The following VPS8 variants were observed in gnomAD, a reference collection of about 807,000 sequenced individuals.
The protein encoded by VPS8 is vacuolar protein sorting-associated protein 8 homolog.
VPS8 carries 129 observed loss-of-function variants against 216.4 expected under a neutral mutation model. The observed-to-expected ratio is 0.60, with a 90% CI of 0.52 to 0.69. The LOEUF (loss-of-function observed/expected upper bound fraction) is 0.69, where lower values mean the gene tolerates loss of function less well. Ranked by LOEUF, VPS8 falls within the 30% of genes least tolerant of loss-of-function variation. VPS8 has a pLI of 0.00. For missense variants in VPS8, 1,531 were observed against 1,683.5 expected, an observed-to-expected ratio of 0.91 and a Z score of 1.59; for synonymous variants, 571 against 565.4, an observed-to-expected ratio of 1.01 and a Z score of -0.14.
chr3:185,051,055 G>T (rs1431682192), intron 47 of VPS8, among the ~76,000 whole-genome samples: 4 of 152,054 alleles, frequency 2.6e-5, no homozygotes, highest in Non-Finnish European at 4.4e-5. Context: ...TGTAGAATTC[G>T]TCTCTCCTCT....
chr3:184,963,144 G>C (rs1000100650), intron 37 of VPS8, among the ~76,000 whole-genome samples: 1 of 151,808 alleles, frequency 6.6e-6, no homozygotes, highest in African/African-American at 2.4e-5. Flanking sequence ...AAATGCTTTG[G>C]CTATTTTTAG....
At chr3:184,984,751 C>T (rs1750807969) in intron 42 of VPS8, among the ~76,000 whole-genome samples, 1 of 152,100 alleles carries the variant, frequency 6.6e-6, no homozygotes, top group Admixed American at 6.5e-5. Flanking sequence ...GGCAGGAATA[C>T]TTTTCCAAGT....
intron 11 of VPS8, among the ~76,000 whole-genome samples, chr3:184,852,962 G>C (rs1724596254): frequency 6.6e-6 from 1 of 152,076 alleles, no homozygotes; most frequent in African/African-American, 2.4e-5. Context: ...AGCAAAGACT[G>C]TCTAGATACA....
chr3:185,002,124 C>T (rs928204433), intron 45 of VPS8, among the ~76,000 whole-genome samples: 8 of 152,092 alleles, frequency 5.3e-5, no homozygotes, highest in African/African-American at 1.7e-4. Context: ...AGGTGAGGTT[C>T]ATTAGGCAAG....
At chr3:185,017,645 C>T (rs1367688519) in intron 45 of VPS8, among the ~76,000 whole-genome samples, 1 of 152,202 alleles carries the variant, frequency 6.6e-6, no homozygotes, top group African/African-American at 2.4e-5. Flanking sequence ...GTAATCCTAT[C>T]GTCCCCGCTG....
intron 37 of VPS8, among the ~76,000 whole-genome samples, chr3:184,962,724 AGTGTGTGTGTGTGTGTGTGTGT>A (rs10562348): frequency 0.04 from 5,898 of 145,904 alleles, 170 homozygotes; most frequent in Non-Finnish European, 0.063. Flanking sequence ...TTAAGGCTTA[AGTGTGTGTGTGTGTGTGTGTGT>A]GTGTGTGTGT....
chr3:184,957,617 C>A (rs2109480048), intron 37 of VPS8, 96 bp downstream of exon 37: 2 of 1,372,002 alleles, frequency 1.5e-6, no homozygotes, highest in Admixed American at 2.9e-5. Context: ...TATATAATTT[C>A]TTTTTTAAAC....
chr3:184,996,725 C>T (rs1429907398), intron 44 of VPS8, among the ~76,000 whole-genome samples: 1 of 151,978 alleles, frequency 6.6e-6, no homozygotes, highest in Non-Finnish European at 1.5e-5. Flanking sequence ...AAACACAGGA[C>T]AAATAGATAG....
chr3:184,973,091 C>T (rs920546718), intron 40 of VPS8, among the ~76,000 whole-genome samples: 1 of 152,048 alleles, frequency 6.6e-6, no homozygotes, highest in African/African-American at 2.4e-5. Flanking sequence ...TATAACAAGC[C>T]TAGTTACATA....
chr3:184,985,406 G>A (rs1750910152), intron 42 of VPS8, among the ~76,000 whole-genome samples: 1 of 151,992 alleles, frequency 6.6e-6, no homozygotes, highest in Non-Finnish European at 1.5e-5. Context: ...TATATTAATT[G>A]TATGTTATGC....
chr3:184,972,008 G>A (rs942364579), intron 40 of VPS8, among the ~76,000 whole-genome samples: 40 of 151,794 alleles, frequency 2.6e-4, no homozygotes, highest in African/African-American at 8.5e-4. Flanking sequence ...CCCAGGAGGC[G>A]GAGGTTGCGT....
chr3:184,849,612 T>C, intron 9 of VPS8: 1 of 302,258 alleles, frequency 3.3e-6, no homozygotes, highest in South Asian at 5.1e-5. Context: ...CATCACTAGC[T>C]AGTTTGGCAG....
chr3:184,935,434 A>G (rs1327955303), intron 34 of VPS8, among the ~76,000 whole-genome samples: 1 of 152,172 alleles, frequency 6.6e-6, no homozygotes, highest in Non-Finnish European at 1.5e-5. Context: ...TACCTAACAC[A>G]ATAATTAAGA....
chr3:185,050,507 A>G (rs1713972955), intron 47 of VPS8, among the ~76,000 whole-genome samples: 1 of 152,116 alleles, frequency 6.6e-6, no homozygotes, highest in Non-Finnish European at 1.5e-5. Context: ...AGCTTGTGCC[A>G]CCATTGCCTG....
At chr3:184,853,055 G>A (rs1724608423) in intron 11 of VPS8, among the ~76,000 whole-genome samples, 2 of 152,198 alleles carry the variant, frequency 1.3e-5, no homozygotes, top group South Asian at 2.1e-4. Flanking sequence ...AGTTCTTCAA[G>A]GTTAACAACT....
intron 27 of VPS8, 108 bp from the exon 28 acceptor site, chr3:184,915,247 T>C (rs887442687): frequency 7.0e-7 from 1 of 1,436,408 alleles, no homozygotes; most frequent in African/African-American, 1.4e-5. Flanking sequence ...ACAGTAGCAA[T>C]TTAAACTGAA....
At chr3:184,924,787 T>C in intron 29 of VPS8, 75 bp from the exon 30 acceptor site, 1 of 1,458,704 alleles carries the variant, frequency 6.9e-7, no homozygotes, top group South Asian at 1.3e-5. Flanking sequence ...GGCTATCCCG[T>C]CTTCTAATTG....
At chr3:184,890,073 C>G (rs1732062560) in intron 22 of VPS8, among the ~76,000 whole-genome samples, 1 of 152,116 alleles carries the variant, frequency 6.6e-6, no homozygotes, top group Non-Finnish European at 1.5e-5. Context: ...GGTCAGTTCC[C>G]TATGCTAAAT....
At chr3:184,951,069 C>T (rs748523363) in intron 36 of VPS8, among the ~76,000 whole-genome samples, 12 of 152,238 alleles carry the variant, frequency 7.9e-5, no homozygotes, top group Admixed American at 2.6e-4. Context: ...CATATTCCTT[C>T]GGGTATATAC....
Sources: allele counts gnomAD v4.1 joint callset (sites outside exome capture counted in the v4.1 genomes callset), GRCh38; gene constraint gnomAD v4.1.1; transcripts MANE v1.5; gene names NCBI Gene and HGNC (gene_info 2026-07-23, HGNC 2026-07-21).